ZNF544: variants seen among roughly 807,000 people sequenced by gnomAD.
ZNF544 encodes the protein zinc finger protein 544.
A neutral mutation model predicts 13.5 loss-of-function variants in ZNF544; 10 were observed. The ratio of observed to expected loss-of-function variants is 0.74; its 90% CI spans 0.46 to 1.25. The LOEUF is 1.25. ZNF544 is among the 50% of genes most tolerant of loss of function. ZNF544 has a pLI of 0.00. For synonymous variants in ZNF544, 323 were observed against 300.5 expected, an observed-to-expected ratio of 1.07 and a Z score of -0.77; for missense variants, 896 against 845.6, an observed-to-expected ratio of 1.06 and a Z score of -0.74.
In ZNF544 at chr19:58,262,450, G is replaced by A. The variant is rs200184463; in HGVS notation, c.1844G>A (p.Arg615Gln). The A allele has an allele frequency of 6.0e-5, 97 of 1,614,018 alleles. No homozygotes were observed. The African/African-American group carries it at 1.1e-3, about 18-fold the overall frequency. ...AACGAGTGTGGAAAAGCCTTCAATC[G>A]AAGCACTCAGCTCATCAGGCATCTG... is the stretch of plus-strand genomic sequence containing the variant. ...ECNECGKAFN[R>Q]STQLIRHLQI... The change falls in exon 7 of 7, where the codon CGA becomes CAA. Residue 615 changes from arginine (R) to glutamine (Q), a missense_variant. By Grantham distance (43) the Arg-to-Gln change is conservative. Coordinates refer to ENST00000687789, the MANE Select transcript of ZNF544 (RefSeq NM_014480.4).
Position 58,239,985 on chromosome 19 carries a change from G to A in ZNF544, c.-59-3980G>A, listed in dbSNP as rs796417873. Among the ~76,000 whole-genome samples the A allele has an allele frequency of 3.3e-5, 5 of 152,186 alleles. 1 individual carries two copies. Among genetic ancestry groups the A allele is most frequent in the African/African-American group, 1.2e-4 (5 of 41,520 alleles). ...CCAGGACCAGCATTCAGCTCATTCA[G>A]CTCCCAGTGGAGTTGCGTAGACAGT... On this transcript the variant is annotated intron_variant, in intron 3 of 6. Coordinates refer to ENST00000687789, the MANE Select transcript of ZNF544 (RefSeq NM_014480.4).
Position 58,262,918 on chromosome 19 carries a change from C to G in ZNF544, c.*164C>G. 3.5e-6 allele frequency: 5 copies of G among 1,445,134 alleles called. No individual in the cohort carries two copies. Among genetic ancestry groups the G allele is most frequent in the Non-Finnish European group, 4.5e-6 (5 of 1,105,096 alleles). The allele number at this position is 1,445,134 out of a possible 1,614,324, so 89.5% of individuals were successfully genotyped here. The stretch of plus-strand genomic sequence containing the variant: ...ATCCTGGAGAAAAGCCCTACGAATG[C>G]ATTGATTGTGGGAAAGCCTTCAATG... On this transcript the variant is annotated 3_prime_UTR_variant, in exon 7 of 7. Transcript: ENST00000687789.
chr19:58,247,034 C>A (rs945401151), intron 6 of ZNF544, among the ~76,000 whole-genome samples: 2 of 152,132 alleles, frequency 1.3e-5, no homozygotes, highest in Admixed American at 1.3e-4. Context: ...TGTTCATCAT[C>A]CCAACCATTT....
chr19:58,274,771 G>A (rs942010663), intron 5 of ZNF544, among the ~76,000 whole-genome samples: 1 of 152,118 alleles, frequency 6.6e-6, no homozygotes, highest in Non-Finnish European at 1.5e-5. Flanking sequence ...TAAGGCAGTT[G>A]AGTTCCCATA....
chr19:58,244,659 T>C (rs1000297937), intron 4 of ZNF544, among the ~76,000 whole-genome samples: 9 of 148,034 alleles, frequency 6.1e-5, no homozygotes, highest in Non-Finnish European at 1.2e-4. Context: ...CACAGCAGCC[T>C]TGAACTCCTG....
chr19:58,252,972 G>T (rs1015704848), intron 6 of ZNF544, among the ~76,000 whole-genome samples: 3 of 151,930 alleles, frequency 2.0e-5, no homozygotes, highest in African/African-American at 7.3e-5. Flanking sequence ...GGCACGTGCC[G>T]CCACACCCAG....
chr19:58,245,864 CA>C, intron 4 of ZNF544: 2 of 189,366 alleles, frequency 1.1e-5, no homozygotes, highest in Admixed American at 1.1e-4. Context: ...CTGTGACTGG[CA>C]AGAGGTGAGA....
downstream of ZNF544, among the ~76,000 whole-genome samples, chr19:58,264,371 G>T (rs260466): frequency 0.6 from 83,357 of 138,874 alleles, 24,897 homozygotes; most frequent in Middle Eastern, 0.68. Flanking sequence ...GCAACAAGAG[G>T]GAAACTTCAT....
In ZNF544 at chr19:58,261,087, C is replaced by A. The variant is rs770381176; in HGVS notation, c.481C>A (p.Leu161Ile). 1 of 1,614,048 alleles carries A rather than the reference C, an allele frequency of 6.2e-7. No homozygotes were observed. Among genetic ancestry groups the A allele is most frequent in the African/African-American group, 1.3e-5 (1 of 74,926 alleles). ...FAQREHCELELGGGYSLPSTL... is the reference protein window; with the variant it reads ...FAQREHCELEIGGGYSLPSTL... ...TCAAAGGGAACATTGTGAGCTTGAACTTGGGGGAGGTTATTCTCTACCTTC... is the reference window on the plus strand; with the variant it reads ...TCAAAGGGAACATTGTGAGCTTGAAATTGGGGGAGGTTATTCTCTACCTTC... The change falls in exon 7 of 7, where the codon CTT becomes ATT. Residue 161 changes from leucine to isoleucine, a missense_variant. Physicochemically the swap from Leu to Ile is conservative, Grantham distance 5. Transcript: ENST00000687789.
chr19:58,245,481 T>G (rs2044961537), intron 4 of ZNF544, among the ~76,000 whole-genome samples: 1 of 151,394 alleles, frequency 6.6e-6, no homozygotes. Context: ...TTTGTATTTT[T>G]AGTAGAGACG....
intron 3 of ZNF544, among the ~76,000 whole-genome samples, chr19:58,243,051 C>A (rs751320571): frequency 6.6e-6 from 1 of 152,084 alleles, no homozygotes; most frequent in African/African-American, 2.4e-5. Context: ...TGGTCTTGAA[C>A]TCTTGGACTC....
At chr19:58,256,058 G>A (rs887265781) in intron 6 of ZNF544, among the ~76,000 whole-genome samples, 1 of 152,170 alleles carries the variant, frequency 6.6e-6, no homozygotes, top group East Asian at 1.9e-4. Context: ...GAGTGGCTCC[G>A]GCCAGAAACT....
At chr19:58,236,772 C>G (rs1422163254) in intron 3 of ZNF544, among the ~76,000 whole-genome samples, 6 of 149,216 alleles carry the variant, frequency 4.0e-5, no homozygotes, top group African/African-American at 9.9e-5. Flanking sequence ...GACAGAGTCT[C>G]TCTCCATTGC....
chr19:58,256,372 C>A lies in ZNF544; in HGVS notation c.245-4479C>A, dbSNP rs370255395. On this transcript the variant is annotated intron_variant, in intron 6 of 6. Coordinates refer to ENST00000687789, the MANE Select transcript of ZNF544 (RefSeq NM_014480.4). ...AATTAAGAGTCCTTAATTAAGCCGG[C>A]GGCCAAAGAGACGGCTAATGCTCAA... Among the ~76,000 whole-genome samples the A allele has an allele frequency of 3.8e-4, 57 of 151,934 alleles. No individual in the cohort carries two copies. In the East Asian group the frequency reaches 9.5e-3, roughly 25 times the overall value.
intron 3 of ZNF544, among the ~76,000 whole-genome samples, chr19:58,240,630 T>C (rs1247777764): frequency 2.0e-5 from 3 of 151,932 alleles, no homozygotes; most frequent in Middle Eastern, 3.2e-3. Context: ...GGCATTGTGA[T>C]GCGCGCCTGT....
intron 6 of ZNF544, among the ~76,000 whole-genome samples, chr19:58,248,268 T>G (rs577811513): frequency 7.0e-6 from 1 of 143,696 alleles, no homozygotes; most frequent in Non-Finnish European, 1.5e-5. Flanking sequence ...CATGCTTTTT[T>G]TTTTCTTTTT....
rs1226394166 is a variant in ZNF544 at position 58,252,534 on chromosome 19, A to G, written c.244+5740A>G. Among the ~76,000 whole-genome samples, 5 of 152,172 alleles carry G rather than the reference A, an allele frequency of 3.3e-5. No homozygotes were observed. The South Asian group carries it at 1.0e-3, about 32-fold the overall frequency. On this transcript the variant is annotated intron_variant, in intron 6 of 6. Coordinates refer to ENST00000687789, the MANE Select transcript of ZNF544 (RefSeq NM_014480.4). ...TACTGGTTTCTTACTACCTTGTTTCATAAATAACCCTTTTTTTTAAGTCAA... is the reference window on the plus strand; with the variant it reads ...TACTGGTTTCTTACTACCTTGTTTCGTAAATAACCCTTTTTTTTAAGTCAA...
intron 6 of ZNF544, among the ~76,000 whole-genome samples, chr19:58,276,921 G>A (rs2051265978): frequency 6.6e-6 from 1 of 152,230 alleles, no homozygotes; most frequent in South Asian, 2.1e-4. Context: ...ATAGAGAAAA[G>A]GCTAATTAGT....
At chr19:58,276,453 G>A in intron 6 of ZNF544, 1 of 1,194,726 alleles carries the variant, frequency 8.4e-7, no homozygotes, top group Non-Finnish European at 1.0e-6. Flanking sequence ...TCTGTCAAAA[G>A]TCAGAATTTT....
Sources: allele counts gnomAD v4.1 joint callset (sites outside exome capture counted in the v4.1 genomes callset), GRCh38; gene constraint gnomAD v4.1.1; transcripts MANE v1.5; gene names NCBI Gene and HGNC (gene_info 2026-07-23, HGNC 2026-07-21).